RYK: variants seen among roughly 807,000 people sequenced by gnomAD.
The protein encoded by RYK is inactive tyrosine-protein kinase RYK.
RYK carries 21 observed loss-of-function variants against 70.2 expected under a neutral mutation model. The observed-to-expected ratio is 0.30, with a 90% CI of 0.21 to 0.43. RYK has a LOEUF of 0.43. RYK is among the 20% of genes least tolerant of loss of function. The probability of loss-of-function intolerance (pLI) is 1.00; values close to 1 mark genes in which losing one functional copy is unlikely to be tolerated. For synonymous variants in RYK, 267 were observed against 278.0 expected (o/e 0.96, Z 0.39); for missense variants, 604 against 753.3 (o/e 0.80, Z 2.32).
At chr3:134,186,261 G>T (rs187618947) in intron 9 of RYK, among the ~76,000 whole-genome samples, 22 of 152,264 alleles carry the variant, frequency 1.4e-4, no homozygotes, top group African/African-American at 5.3e-4. Context: ...AATTTATACT[G>T]GAGTATCTAT....
chr3:134,192,124 G>C (rs1350157042), intron 7 of RYK, 150 bp from the exon 8 acceptor site: 14 of 675,394 alleles, frequency 2.1e-5, no homozygotes, highest in Non-Finnish European at 4.8e-6. Context: ...AACTAGGAGA[G>C]TTATTTGAAG....
intron 13 of RYK, among the ~76,000 whole-genome samples, chr3:134,165,637 C>G (rs74510968): frequency 6.6e-6 from 1 of 152,154 alleles, no homozygotes; most frequent in Non-Finnish European, 1.5e-5. Context: ...CACTGAGGTA[C>G]GTTCCACCTA....
At chr3:134,184,844 A>G (rs1560007307) in intron 9 of RYK, among the ~76,000 whole-genome samples, 1 of 152,036 alleles carries the variant, frequency 6.6e-6, no homozygotes, top group Non-Finnish European at 1.5e-5. Context: ...CAAACTTAAC[A>G]GTATATTCTT....
chr3:134,163,636 T>C (rs960113616), intron 13 of RYK, among the ~76,000 whole-genome samples: 2 of 152,218 alleles, frequency 1.3e-5, no homozygotes, highest in African/African-American at 4.8e-5. Flanking sequence ...TAACTAAAGA[T>C]GGAGCTACTG....
Position 134,202,888 on chromosome 3 carries a change from A to G in RYK, c.644-14T>C. On this transcript the variant is annotated splice_polypyrimidine_tract_variant and intron_variant, in intron 5 of 14. Transcript: ENST00000623711. ...GTACAGGATCATCTGAAATAAAAACAAAAAGCACATTTAGCTTTTTAAACA... is the reference window on the plus strand; with the variant it reads ...GTACAGGATCATCTGAAATAAAAACGAAAAGCACATTTAGCTTTTTAAACA... 6.2e-7 allele frequency: 1 copy of G among 1,607,550 alleles called. No individual in the cohort carries two copies.
intron 2 of RYK, among the ~76,000 whole-genome samples, chr3:134,212,200 A>T (rs894161672): frequency 3.3e-5 from 5 of 152,228 alleles, no homozygotes; most frequent in African/African-American, 9.6e-5. Context: ...CAGAATCCAG[A>T]AGGGAAGACA....
At position 134,195,198 on chromosome 3, in the gene RYK, G is replaced by A. The variant is rs1446139429; in HGVS notation, c.789-16C>T. On this transcript the variant is annotated splice_polypyrimidine_tract_variant and intron_variant, in intron 6 of 14. Coordinates refer to ENST00000623711, the MANE Select transcript of RYK (RefSeq NM_002958.4). ...GGCACTAATGCTGCAAACAATTTTT[G>A]AGAGAAATATTTGACAAGTCAGTTT... The A allele has an allele frequency of 1.9e-6, 3 of 1,576,314 alleles. No homozygotes were observed. The highest frequency in any genetic ancestry group is 2.6e-6 in the Non-Finnish European group (3 of 1,149,134).
chr3:134,188,574 T>A (rs1306346721), intron 9 of RYK, among the ~76,000 whole-genome samples: 5 of 152,222 alleles, frequency 3.3e-5, no homozygotes, highest in Non-Finnish European at 7.3e-5. Context: ...GTGGATGCAG[T>A]TTGACTTGCA....
intron 1 of RYK, among the ~76,000 whole-genome samples, chr3:134,238,517 C>G (rs549703752): frequency 6.6e-6 from 1 of 152,234 alleles, no homozygotes; most frequent in African/African-American, 2.4e-5. Flanking sequence ...GTAAGCCTAC[C>G]CTTTTGGTCC....
At chr3:134,209,863 T>A (rs2014334936) in intron 3 of RYK, 34 bp from the exon 4 acceptor site, 5 of 1,405,954 alleles carry the variant, frequency 3.6e-6, no homozygotes, top group Non-Finnish European at 4.7e-6. Flanking sequence ...TATTTTACAT[T>A]TTCTAAAAAT....
intron 6 of RYK, among the ~76,000 whole-genome samples, chr3:134,200,211 C>T (rs1477798983): frequency 6.6e-6 from 1 of 152,120 alleles, no homozygotes; most frequent in East Asian, 1.9e-4. Context: ...TGCTGCTGCT[C>T]ACTCTTTGGG....
chr3:134,214,646 CT>C lies in RYK; in HGVS notation c.355-3040del, dbSNP rs552882034. On this transcript the variant is annotated intron_variant, in intron 2 of 14. Coordinates refer to ENST00000623711, the MANE Select transcript of RYK (RefSeq NM_002958.4). Reference sequence around the variant, plus strand: ...GGAAATCCATCCTACAGAAAAGGAGCTCTTACACAACAATGACCTCCAGTCT... The same window carrying C: ...GGAAATCCATCCTACAGAAAAGGAGCCTTACACAACAATGACCTCCAGTCT... 2.0e-4 allele frequency among the ~76,000 whole-genome samples: 30 copies of C among 152,340 alleles called. 1 individual carries two copies. In the East Asian group the frequency reaches 5.8e-3, roughly 29 times the overall value.
At chr3:134,186,437 G>C (rs920885065) in intron 9 of RYK, among the ~76,000 whole-genome samples, 3 of 152,148 alleles carry the variant, frequency 2.0e-5, no homozygotes, top group African/African-American at 7.2e-5. Flanking sequence ...GAAAGACCTT[G>C]GTCAGCTCTA....
At chr3:134,250,088 T>C (rs1395037387) in intron 1 of RYK, among the ~76,000 whole-genome samples, 1 of 152,082 alleles carries the variant, frequency 6.6e-6, no homozygotes, top group East Asian at 1.9e-4. Context: ...TCAAAAAAAC[T>C]TCGTGCAGCA....
chr3:134,241,349 CAA>C (rs34002861), intron 1 of RYK, among the ~76,000 whole-genome samples: 13 of 129,376 alleles, frequency 1.0e-4, no homozygotes, highest in Admixed American at 3.1e-4. Flanking sequence ...GACTCTATCT[CAA>C]AAAAAAAAAA....
At chr3:134,205,611 A>G (rs1171095122) in intron 5 of RYK, among the ~76,000 whole-genome samples, 1 of 152,090 alleles carries the variant, frequency 6.6e-6, no homozygotes, top group East Asian at 1.9e-4. Context: ...GCCCTGCTCA[A>G]TTACCTCCAA....
intron 13 of RYK, among the ~76,000 whole-genome samples, chr3:134,163,271 G>A (rs1263643758): frequency 6.6e-6 from 1 of 152,148 alleles, no homozygotes; most frequent in Non-Finnish European, 1.5e-5. Context: ...AAGACAAAAT[G>A]GCGCAGAGAT....
chr3:134,162,493 G>C (rs897780781), intron 13 of RYK, among the ~76,000 whole-genome samples: 1 of 152,092 alleles, frequency 6.6e-6, no homozygotes, highest in Non-Finnish European at 1.5e-5. Flanking sequence ...ATGGAGAAGC[G>C]TGTATAGTTT....
rs1482194167 is a variant in RYK at position 134,207,410 on chromosome 3, T to TA, written c.643+61_643+62insT. The TA allele has an allele frequency of 5.8e-6, 6 of 1,042,706 alleles. No individual in the cohort carries two copies. In the Admixed American group the frequency reaches 1.3e-4, roughly 23 times the overall value. The allele number at this position is 1,042,706 out of a possible 1,614,324, so 64.6% of individuals were successfully genotyped here. ...GCCTCCAAGCTTCATGCAATCATGTTTATATGCAGTCAACCATTTTTCATT... is the reference window on the plus strand; with the variant it reads ...GCCTCCAAGCTTCATGCAATCATGTTATATATGCAGTCAACCATTTTTCATT... On this transcript the variant is annotated intron_variant, in intron 5 of 14. Transcript: ENST00000623711.
Sources: gnomAD v4.1 joint callset for allele counts (sites outside exome capture counted in the v4.1 genomes callset) on GRCh38, gnomAD v4.1.1 for gene constraint, MANE v1.5 for transcripts, NCBI Gene and HGNC (gene_info 2026-07-23, HGNC 2026-07-21) for gene names.